CD177: variants seen among roughly 807,000 people sequenced by gnomAD.
CD177 encodes the protein CD177 molecule, also known as CD177 antigen.
Under a neutral mutation model 38.1 loss-of-function variants are expected in CD177, and 41 were observed. The observed-to-expected ratio is 1.07, with a 90% CI of 0.84 to 1.39. The LOEUF (loss-of-function observed/expected upper bound fraction) is 1.39, where lower values mean the gene tolerates loss of function less well. Ranked by LOEUF, CD177 falls within the 40% of genes most tolerant of loss-of-function variation. The probability of loss-of-function intolerance (pLI) is 0.00; values close to 1 mark genes in which losing one functional copy is unlikely to be tolerated. For synonymous variants in CD177, 236 were observed against 216.7 expected (o/e 1.09, Z -0.78); for missense variants, 619 against 523.8 (o/e 1.18, Z -1.77).
chr19:43,363,572 T>C (rs1970004094), downstream of CD177, among the ~76,000 whole-genome samples: 1 of 152,208 alleles, frequency 6.6e-6, no homozygotes, highest in Non-Finnish European at 1.5e-5. Context: ...GTCCTCACTC[T>C]GGTCTCCAGT....
At chr19:43,361,744 G>T (rs899151748) in intron 8 of CD177, among the ~76,000 whole-genome samples, 165 bp downstream of exon 8, 1 of 148,194 alleles carries the variant, frequency 6.7e-6, no homozygotes, top group East Asian at 2.0e-4. Context: ...TGGACTCCTG[G>T]TCTGAGGGAG....
In CD177 at chr19:43,360,325, C is replaced by A. The variant is rs1359878403; in HGVS notation, c.680C>A (p.Pro227His). The change falls in exon 6 of 9, where the codon CCC becomes CAC. Residue 227 changes from proline (P) to histidine (H), a missense_variant. Coordinates refer to ENST00000618265, the MANE Select transcript of CD177 (RefSeq NM_020406.4). Reference sequence around the variant, plus strand: ...ACACACGGAAACTTGGCTCAAGAACCCACTGATTGGACCACATCGAATACC... The same window carrying A: ...ACACACGGAAACTTGGCTCAAGAACACACTGATTGGACCACATCGAATACC... ...IMTHGNLAQE[P>H]TDWTTSNTEM... The A allele has an allele frequency of 6.2e-7, 1 of 1,612,986 alleles. No homozygotes were observed. The highest frequency in any genetic ancestry group is 8.5e-7 in the Non-Finnish European group (1 of 1,179,544).
At chr19:43,360,497 C>T in intron 6 of CD177, 92 bp downstream of exon 6, 1 of 1,285,612 alleles carries the variant, frequency 7.8e-7, no homozygotes. Context: ...ATTTCCTGCT[C>T]AGCTCCCTTC....
At chr19:43,363,277 T>A (rs1970000266), downstream of CD177, 1 of 152,004 alleles carries the variant, frequency 6.6e-6, no homozygotes, top group African/African-American at 2.4e-5. Context: ...CAGAAAAAAA[T>A]GGGTTAGCAT....
intron 3 of CD177, among the ~76,000 whole-genome samples, chr19:43,355,146 CTG>C (rs1969907968): frequency 7.6e-6 from 1 of 131,852 alleles, no homozygotes; most frequent in Non-Finnish European, 1.6e-5. Flanking sequence ...AAGCGTCTCG[CTG>C]TGTCGACCAG....
In CD177 at chr19:43,356,078, G is replaced by A. The variant is rs1014707019; in HGVS notation, c.589G>A (p.Val197Met). 50 of 644,124 alleles carry A rather than the reference G, an allele frequency of 7.8e-5. No homozygotes were observed. Among genetic ancestry groups the A allele is most frequent in the Non-Finnish European group, 1.3e-4 (45 of 358,566 alleles). The allele number at this position is 644,124 out of a possible 1,614,324, so 39.9% of individuals were successfully genotyped here. ...CAATGGGACACAGGAAATTGGGCCC[G>A]TGGGTATGACTGAGAACTGCGATAT... ...LLNGTQEIGP[V>M]GMTENCDMKD... Residue 197 changes from valine (V) to methionine (M), a missense_variant, in exon 5 of 9, where the codon GTG (valine) becomes ATG (methionine). Physicochemically the swap from Val to Met is conservative, Grantham distance 21. Transcript: ENST00000618265.
At chr19:43,359,835 G>A (rs1012493520) in intron 5 of CD177, among the ~76,000 whole-genome samples, 7 of 122,858 alleles carry the variant, frequency 5.7e-5, no homozygotes, top group Non-Finnish European at 1.2e-4. Context: ...GCAGTGCTCA[G>A]CGGCAGTGCT....
Position 43,360,363 on chromosome 19 carries a change from G to A in CD177, c.718G>A (p.Val240Met). The change falls in exon 6 of 9, where the codon GTG becomes ATG. Residue 240 changes from valine (V) to methionine (M), a missense_variant. Physicochemically the swap from Val to Met is conservative, Grantham distance 21 (BLOSUM62 1). Transcript: ENST00000618265. ...WTTSNTEMCE[V>M]GQVCQETLLL... is the part of the protein sequence containing the mutation. ...CACATCGAATACCGAGATGTGCGAG[G>A]TGGGGCAGGTGTGTCAGGAGACGCT... 1.2e-6 allele frequency: 2 copies of A among 1,609,738 alleles called. No homozygotes were observed. The highest frequency in any genetic ancestry group is 1.1e-5 in the South Asian group (1 of 89,900).
chr19:43,353,909 G>A lies in CD177; in HGVS notation c.109G>A (p.Asp37Asn), dbSNP rs375460393. ...GTVQHVWKVS[D>N]LPRQWTPKNT... ...AGTTCAGCATGTGTGGAAGGTGTCC[G>A]ACCTGCCCCGGCAATGGACCCCTAA... Residue 37 changes from aspartate to asparagine, a missense_variant, in exon 2 of 9, where the codon GAC (aspartate) becomes AAC (asparagine). Coordinates refer to ENST00000618265, the MANE Select transcript of CD177 (RefSeq NM_020406.4). The A allele has an allele frequency of 2.5e-6, 4 of 1,613,864 alleles. No individual in the cohort carries two copies. Among genetic ancestry groups the A allele is most frequent in the Non-Finnish European group, 3.4e-6 (4 of 1,179,830 alleles).
intron 3 of CD177, 98 bp downstream of exon 3, chr19:43,354,490 C>G: frequency 7.8e-7 from 1 of 1,279,844 alleles, no homozygotes; most frequent in East Asian, 2.4e-5. Context: ...CCCTCGCTCG[C>G]TATCCCGACC....
rs1363256839 is a variant in CD177 at position 43,363,162 on chromosome 19, A to G, written c.*842A>G. On this transcript the variant is annotated 3_prime_UTR_variant, in exon 9 of 9. Transcript: ENST00000618265. ...GGTACAGCATAAATACACTATTGTCATCTCAGCAGACCACCGTTCTATACG... is the reference window on the plus strand; with the variant it reads ...GGTACAGCATAAATACACTATTGTCGTCTCAGCAGACCACCGTTCTATACG... 1 of 152,180 alleles carries G rather than the reference A, an allele frequency of 6.6e-6. No homozygotes were observed. Among genetic ancestry groups the G allele is most frequent in the Non-Finnish European group, 1.5e-5 (1 of 68,034 alleles). The allele number at this position is 152,180 out of a possible 1,614,324, so 9.4% of individuals were successfully genotyped here.
downstream of CD177, among the ~76,000 whole-genome samples, chr19:43,363,708 C>T (rs141475477): frequency 0.025 from 3,809 of 151,956 alleles, 58 homozygotes; most frequent in Middle Eastern, 0.058. Context: ...GAGAAGAGAG[C>T]GAATCTGGAG....
At chr19:43,363,901 A>C (rs1970007892), downstream of CD177, among the ~76,000 whole-genome samples, 1 of 152,164 alleles carries the variant, frequency 6.6e-6, no homozygotes, top group African/African-American at 2.4e-5. Context: ...CAGCCTGGGC[A>C]ACATAGTGAA....
chr19:43,354,593 A>C, intron 3 of CD177: 2 of 576,754 alleles, frequency 3.5e-6, no homozygotes, highest in Non-Finnish European at 6.0e-6. Context: ...GATCCCTCCC[A>C]CCGACCTGCC....
downstream of CD177, among the ~76,000 whole-genome samples, chr19:43,363,830 A>G (rs1370921386): frequency 5.3e-5 from 8 of 152,272 alleles, no homozygotes; most frequent in East Asian, 7.7e-4. Context: ...GCTCACGCCT[A>G]TAATGCCAGC....
rs917025609 is a variant in CD177 at position 43,361,660 on chromosome 19, C to A, written c.1081+81C>A. The A allele has an allele frequency of 1.7e-5, 24 of 1,422,334 alleles. No homozygotes were observed. In the African/African-American group the frequency reaches 3.0e-4, roughly 18 times the overall value. The allele number at this position is 1,422,334 out of a possible 1,614,324, so 88.1% of individuals were successfully genotyped here. On this transcript the variant is annotated intron_variant, in intron 8 of 8. Transcript: ENST00000618265. ...GGTCTGAGGGAGGAGGGGCTGGGGG[C>A]CTGGACTCCTGGTCCGAGGGAGGAG...
Position 43,355,653 on chromosome 19 carries a change from T to C in CD177, c.380-8T>C. The stretch of plus-strand genomic sequence containing the variant: ...AGTGCCCCCTCACTCTGTCTGTCAC[T>C]TTCCTAGACCCAGGATCCTTGAGGT... On this transcript the variant is annotated splice_region_variant and splice_polypyrimidine_tract_variant and intron_variant, in intron 3 of 8. Coordinates refer to ENST00000618265, the MANE Select transcript of CD177 (RefSeq NM_020406.4). 6.2e-7 allele frequency: 1 copy of C among 1,612,638 alleles called. No individual in the cohort carries two copies. Among genetic ancestry groups the C allele is most frequent in the Non-Finnish European group, 8.5e-7 (1 of 1,179,182 alleles).
At chr19:43,354,061 C>T (rs1416271605) in intron 2 of CD177, 68 bp downstream of exon 2, 1 of 1,578,356 alleles carries the variant, frequency 6.3e-7, no homozygotes, top group Non-Finnish European at 8.6e-7. Context: ...GTGCAGGGAC[C>T]CGGGAGCCAC....
Position 43,362,607 on chromosome 19 carries a change from G to A in CD177, c.*287G>A, listed in dbSNP as rs1969988824. ...GTGCTGGGATTTCTCCATGTGAGGGGGCAGCAGGACACCCAGGGATCTAGC... is the reference window on the plus strand; with the variant it reads ...GTGCTGGGATTTCTCCATGTGAGGGAGCAGCAGGACACCCAGGGATCTAGC... On this transcript the variant is annotated 3_prime_UTR_variant, in exon 9 of 9. Coordinates refer to ENST00000618265, the MANE Select transcript of CD177 (RefSeq NM_020406.4). The A allele has an allele frequency of 7.0e-6, 2 of 286,530 alleles. No individual in the cohort carries two copies. Among genetic ancestry groups the A allele is most frequent in the South Asian group, 1.3e-4 (1 of 7,758 alleles). 17.7% of individuals were successfully genotyped at this position (286,530 alleles called of 1,614,324 possible).
Sources: gnomAD v4.1 joint callset for allele counts (sites outside exome capture counted in the v4.1 genomes callset) on GRCh38, gnomAD v4.1.1 for gene constraint, MANE v1.5 for transcripts, NCBI Gene and HGNC (gene_info 2026-07-23, HGNC 2026-07-21) for gene names.